GLT1D1: variants seen among roughly 807,000 people sequenced by gnomAD.
GLT1D1 encodes glycosyltransferase 1 domain containing 1.
In GLT1D1, 21 loss-of-function variants were observed where a neutral mutation model predicts 28.7. The observed-to-expected ratio is 0.73, with a 90% confidence interval of 0.52 to 1.05. The LOEUF (loss-of-function observed/expected upper bound fraction) is 1.05. Among genes scored for constraint, GLT1D1 ranks in the 50% least tolerant of loss-of-function variants. GLT1D1 has a pLI of 0.00. For missense variants in GLT1D1, 343 were observed against 330.6 expected (o/e 1.04, Z -0.29); for synonymous variants, 147 against 124.8 (o/e 1.18, Z -1.19).
At chr12:128,927,416 T>G (rs1873339513) in intron 4 of GLT1D1, among the ~76,000 whole-genome samples, 1 of 151,986 alleles carries the variant, frequency 6.6e-6, no homozygotes, top group South Asian at 2.1e-4. Context: ...CTTTTTGTAT[T>G]TTTAGTAGAG....
chr12:128,866,138 G>C (rs1267404714), intron 1 of GLT1D1, among the ~76,000 whole-genome samples: 1 of 144,738 alleles, frequency 6.9e-6, no homozygotes, highest in East Asian at 2.1e-4. Context: ...GCATGATCTT[G>C]GCTCACTGCA....
intron 7 of GLT1D1, among the ~76,000 whole-genome samples, chr12:128,966,153 A>G (rs1878435709): frequency 6.6e-6 from 1 of 152,216 alleles, no homozygotes; most frequent in South Asian, 2.1e-4. Context: ...TCTGTATTCA[A>G]TGAGCGGCTG....
intron 6 of GLT1D1, among the ~76,000 whole-genome samples, chr12:128,952,543 C>G (rs570320373): frequency 6.6e-6 from 1 of 151,342 alleles, no homozygotes; most frequent in Non-Finnish European, 1.5e-5. Flanking sequence ...CTCGGCTCAC[C>G]CCAACCTCCA....
chr12:128,858,102 C>T (rs1407928119), intron 1 of GLT1D1, among the ~76,000 whole-genome samples: 1 of 152,148 alleles, frequency 6.6e-6, no homozygotes, highest in East Asian at 1.9e-4. Context: ...GTTTTTAAAG[C>T]AGTGTCTGGA....
In GLT1D1 at chr12:128,896,700, G is replaced by T. The variant is rs1359727807; in HGVS notation, c.324-2536G>T. Among the ~76,000 whole-genome samples, 3 of 150,844 alleles carry T rather than the reference G, an allele frequency of 2.0e-5. No homozygotes were observed. In the Admixed American group the frequency reaches 2.0e-4, roughly 10 times the overall value. ...GTTCAAGCGGTCCCCCTGCCTCAGC[G>T]TACCGAGTAGCTGGGATTACAGGCA... On this transcript the variant is annotated intron_variant, in intron 3 of 7. Coordinates refer to ENST00000281703, the MANE Select transcript of GLT1D1 (RefSeq NM_144669.3).
intron 1 of GLT1D1, among the ~76,000 whole-genome samples, chr12:128,874,880 A>G (rs1345225584): frequency 1.3e-5 from 2 of 152,124 alleles, no homozygotes; most frequent in South Asian, 2.1e-4. Flanking sequence ...TTCTATAGTA[A>G]CAGTCGTAAA....
rs148852907 is a variant in GLT1D1 at position 128,935,947 on chromosome 12, C to G, written c.376-9379C>G. Among the ~76,000 whole-genome samples the G allele has an allele frequency of 8.1e-3, 1,238 of 152,234 alleles. 22 individuals are homozygous for G. The highest frequency in any genetic ancestry group is 0.029 in the African/African-American group (1,184 of 41,536). On this transcript the variant is annotated intron_variant, in intron 4 of 7. Coordinates refer to ENST00000281703, the MANE Select transcript of GLT1D1 (RefSeq NM_144669.3). ...ATGGCTTTGTAGTAGAGTGGTCACACGCATGTCGTGGATTCTGGATCCAGC... is the reference window on the plus strand; with the variant it reads ...ATGGCTTTGTAGTAGAGTGGTCACAGGCATGTCGTGGATTCTGGATCCAGC...
At chr12:128,905,744 G>A (rs975897934) in intron 4 of GLT1D1, among the ~76,000 whole-genome samples, 2 of 152,052 alleles carry the variant, frequency 1.3e-5, no homozygotes, top group African/African-American at 4.8e-5. Context: ...GGCTGTTAAT[G>A]CCTAGCACGC....
chr12:128,874,316 G>A (rs1956821182), intron 1 of GLT1D1, among the ~76,000 whole-genome samples: 1 of 150,996 alleles, frequency 6.6e-6, no homozygotes, highest in Admixed American at 6.6e-5. Context: ...CCAGTAGCTA[G>A]GATTACAGGC....
At chr12:128,863,527 C>A (rs1235721917) in intron 1 of GLT1D1, among the ~76,000 whole-genome samples, 1 of 151,958 alleles carries the variant, frequency 6.6e-6, no homozygotes, top group Non-Finnish European at 1.5e-5. Context: ...CATGTGCCAC[C>A]GCACCCAGCT....
intron 4 of GLT1D1, chr12:128,944,818 A>T: frequency 4.1e-6 from 1 of 242,238 alleles, no homozygotes. Context: ...ATATATATAT[A>T]TAAAGTTCTG....
Position 128,927,096 on chromosome 12 carries a change from C to A in GLT1D1, c.376-18230C>A. 2 of 1,534,516 alleles carry A rather than the reference C, an allele frequency of 1.3e-6. No homozygotes were observed. Among genetic ancestry groups the A allele is most frequent in the Non-Finnish European group, 1.7e-6 (2 of 1,145,886 alleles). Reference sequence around the variant, plus strand: ...GAAGTGTTTTTTTGTCTTCTTTTTTCTTCCCAAGCCTGGCATCAGGAGGAG... The same window carrying A: ...GAAGTGTTTTTTTGTCTTCTTTTTTATTCCCAAGCCTGGCATCAGGAGGAG... On this transcript the variant is annotated intron_variant, in intron 4 of 7. Transcript: ENST00000281703.
chr12:128,923,247 C>T (rs865935584), intron 4 of GLT1D1, among the ~76,000 whole-genome samples: 2 of 152,176 alleles, frequency 1.3e-5, no homozygotes, highest in Non-Finnish European at 2.9e-5. Context: ...AATGCCTGTG[C>T]TGGGAAAGAA....
At chr12:128,945,200 C>T (rs761887300) in intron 4 of GLT1D1, 126 bp from the exon 9 acceptor site, 12 of 935,002 alleles carry the variant, frequency 1.3e-5, no homozygotes, top group Non-Finnish European at 1.9e-5. Context: ...CGCGAGGACA[C>T]CCCCGTGGCC....
chr12:128,951,382 G>A (rs73153458), intron 6 of GLT1D1, among the ~76,000 whole-genome samples: 66,792 of 152,058 alleles, frequency 0.44, 16,055 homozygotes, highest in Non-Finnish European at 0.54. Flanking sequence ...CAGCCTGGGT[G>A]ACAGAGCGAG....
chr12:128,873,824 T>A (rs1011416201), intron 1 of GLT1D1, among the ~76,000 whole-genome samples: 12 of 151,260 alleles, frequency 7.9e-5, no homozygotes, highest in African/African-American at 2.9e-4. Flanking sequence ...CTTTTCTTTC[T>A]TTCCCCCTTC....
At chr12:128,901,596 C>T (rs544092173) in intron 4 of GLT1D1, among the ~76,000 whole-genome samples, 1 of 151,874 alleles carries the variant, frequency 6.6e-6, no homozygotes, top group African/African-American at 2.4e-5. Context: ...ACCACAACGC[C>T]CTGCTAATTT....
intron 1 of GLT1D1, among the ~76,000 whole-genome samples, chr12:128,861,344 T>C (rs1462811841): frequency 1.3e-5 from 2 of 152,210 alleles, no homozygotes; most frequent in East Asian, 3.8e-4. Flanking sequence ...CTCTGTCTGC[T>C]TCCAGGAAAG....
chr12:128,887,393 C>T (rs1194378497), intron 2 of GLT1D1, among the ~76,000 whole-genome samples: 2 of 152,006 alleles, frequency 1.3e-5, no homozygotes, highest in African/African-American at 4.8e-5. Context: ...ATCACAGATG[C>T]TCTGTGCATA....
Sources: gnomAD v4.1 joint callset for allele counts (sites outside exome capture counted in the v4.1 genomes callset) on GRCh38, gnomAD v4.1.1 for gene constraint, MANE v1.5 for transcripts, NCBI Gene and HGNC (gene_info 2026-07-23, HGNC 2026-07-21) for gene names.